RFX3: variants seen among roughly 807,000 people sequenced by gnomAD.
RFX3 encodes transcription factor RFX3.
In RFX3, 14 loss-of-function variants were observed where a neutral mutation model predicts 98.6. The observed-to-expected ratio is 0.14, with a 90% CI of 0.09 to 0.22. RFX3 has a LOEUF of 0.22. RFX3 is among the 10% of genes least tolerant of loss of function. The pLI is 1.00. For missense variants in RFX3, 639 were observed against 926.9 expected, an observed-to-expected ratio of 0.69 and a Z score of 4.03; for synonymous variants, 383 against 328.4, an observed-to-expected ratio of 1.17 and a Z score of -1.80.
chr9:3,406,999 G>A (rs1040917753), intron 1 of RFX3, among the ~76,000 whole-genome samples: 4 of 152,238 alleles, frequency 2.6e-5, no homozygotes, highest in South Asian at 2.1e-4. Flanking sequence ...CATCTGATTC[G>A]CTGAATTGTG....
intron 1 of RFX3, among the ~76,000 whole-genome samples, chr9:3,512,933 C>T (rs765885984): frequency 5.3e-5 from 8 of 152,070 alleles, no homozygotes; most frequent in East Asian, 1.9e-4. Context: ...TCCCAAATAT[C>T]GTTATGTCCT....
In RFX3 at chr9:3,225,176, C is replaced by A. The variant is rs1465258934; in HGVS notation, c.2116G>T (p.Gly706Cys). The A allele has an allele frequency of 1.9e-6, 3 of 1,613,946 alleles. No homozygotes were observed. The highest frequency in any genetic ancestry group is 2.5e-6 in the Non-Finnish European group (3 of 1,179,946). Residue 706 changes from glycine (G) to cysteine (C), a missense_variant, in exon 17 of 17, where the codon GGC (glycine) becomes TGC (cysteine). Physicochemically the swap from Gly to Cys is radical, Grantham distance 159. Coordinates refer to ENST00000617270, the MANE Select transcript of RFX3 (RefSeq NM_001282116.2). ...KTELSQAFPV[G>C]CMQPVLETGV... Reference sequence around the variant, plus strand: ...GTCTCGAGAACAGGCTGCATGCAGCCCACTGGAAATGCCTGGCTCAGCTCT... The same window carrying A: ...GTCTCGAGAACAGGCTGCATGCAGCACACTGGAAATGCCTGGCTCAGCTCT...
intron 1 of RFX3, among the ~76,000 whole-genome samples, chr9:3,415,117 T>C (rs1460329133): frequency 3.2e-5 from 3 of 92,616 alleles, no homozygotes; most frequent in Non-Finnish European, 5.7e-5. Flanking sequence ...TATATATATA[T>C]ACTTATATAT....
intron 1 of RFX3, among the ~76,000 whole-genome samples, chr9:3,477,856 T>A (rs1400043096): frequency 6.6e-6 from 1 of 152,216 alleles, no homozygotes; most frequent in Admixed American, 6.5e-5. Flanking sequence ...GATCCTCACA[T>A]TGAACAATCT....
chr9:3,262,828 C>G lies in RFX3; in HGVS notation c.1605+107G>C, dbSNP rs1322458228. ...TTTCAGAACACTGTGAATATAGATGCTGCCATATATAGATGAGACTTTGAA... is the reference window on the plus strand; with the variant it reads ...TTTCAGAACACTGTGAATATAGATGGTGCCATATATAGATGAGACTTTGAA... On this transcript the variant is annotated intron_variant, in intron 13 of 16. Transcript: ENST00000617270. 7 of 1,103,206 alleles carry G rather than the reference C, an allele frequency of 6.3e-6. No homozygotes were observed. The African/African-American group carries it at 9.4e-5, about 15-fold the overall frequency. The allele number at this position is 1,103,206 out of a possible 1,614,324, so 68.3% of individuals were successfully genotyped here. A position where few individuals can be genotyped will look rare whatever the true frequency, so the allele number is the denominator to read the frequency against.
At chr9:3,302,411 C>A (rs1182371331) in intron 4 of RFX3, among the ~76,000 whole-genome samples, 1 of 151,670 alleles carries the variant, frequency 6.6e-6, no homozygotes, top group Non-Finnish European at 1.5e-5. Context: ...CTCTTAATAA[C>A]CTCATATTTA....
intron 4 of RFX3, among the ~76,000 whole-genome samples, chr9:3,329,435 A>AC (rs1832336433): frequency 6.7e-6 from 1 of 148,964 alleles, no homozygotes; most frequent in African/African-American, 2.5e-5. Flanking sequence ...AAAACAAAAA[A>AC]CCACCAAACA....
At chr9:3,246,374 G>A (rs951193661) in intron 15 of RFX3, among the ~76,000 whole-genome samples, 1 of 152,040 alleles carries the variant, frequency 6.6e-6, no homozygotes, top group Non-Finnish European at 1.5e-5. Context: ...GCCTGTGCAA[G>A]CATACCAGGA....
At chr9:3,240,052 A>T (rs1819710812) in intron 15 of RFX3, among the ~76,000 whole-genome samples, 1 of 152,216 alleles carries the variant, frequency 6.6e-6, no homozygotes, top group Non-Finnish European at 1.5e-5. Context: ...GCTGTTCATA[A>T]TATAAGATGG....
At chr9:3,272,844 T>C (rs1185558509) in intron 9 of RFX3, among the ~76,000 whole-genome samples, 3 of 152,200 alleles carry the variant, frequency 2.0e-5, no homozygotes, top group Non-Finnish European at 4.4e-5. Flanking sequence ...AAAAATATCT[T>C]TGATAAACAA....
chr9:3,477,102 A>G (rs369069240), intron 1 of RFX3, among the ~76,000 whole-genome samples: 1 of 152,090 alleles, frequency 6.6e-6, no homozygotes, highest in East Asian at 1.9e-4. Context: ...GTTTTACCTG[A>G]AACCAAAATT....
chr9:3,492,344 G>C (rs908222169), intron 1 of RFX3, among the ~76,000 whole-genome samples: 2 of 152,162 alleles, frequency 1.3e-5, no homozygotes, highest in East Asian at 3.9e-4. Flanking sequence ...GTCCCTTCCA[G>C]CACAACCGTG....
chr9:3,349,587 AC>A (rs1349216619), intron 2 of RFX3, among the ~76,000 whole-genome samples: 3 of 151,336 alleles, frequency 2.0e-5, no homozygotes, highest in African/African-American at 7.3e-5. Flanking sequence ...CTGCCCCCAC[AC>A]CCCCAACAGG....
rs36070658 is a variant in RFX3 at position 3,232,771 on chromosome 9, T to TGAGAGA, written c.1969-3888_1969-3883dup. Among the ~76,000 whole-genome samples the TGAGAGA allele has an allele frequency of 1.5e-3, 202 of 132,406 alleles. 1 individual carries two copies. Among genetic ancestry groups the TGAGAGA allele is most frequent in the African/African-American group, 5.4e-3 (185 of 34,380 alleles). The allele number at this position is 132,406 out of a possible 152,430, so 86.9% of individuals were successfully genotyped here. A position where few individuals can be genotyped will look rare whatever the true frequency, so the allele number is the denominator to read the frequency against. The stretch of plus-strand genomic sequence containing the variant: ...CAGATATTCTCCTTGGTTTAGAATC[T>TGAGAGA]GAGAGAGAGAGAGAGAGAGAGAGAG... On this transcript the variant is annotated intron_variant, in intron 15 of 16. Coordinates refer to ENST00000617270, the MANE Select transcript of RFX3 (RefSeq NM_001282116.2).
chr9:3,525,606 C>G (rs935770732), intron 1 of RFX3, 141 bp downstream of exon 1: 4 of 153,192 alleles, frequency 2.6e-5, no homozygotes. Context: ...GGCGGCGCCG[C>G]AGCGGCAGCC....
chr9:3,277,564 A>T, intron 7 of RFX3, 103 bp from the exon 8 acceptor site: 2 of 967,342 alleles, frequency 2.1e-6, no homozygotes, highest in Non-Finnish European at 3.1e-6. Context: ...ATCTTCTTTA[A>T]CGTCTCATGA....
intron 1 of RFX3, among the ~76,000 whole-genome samples, chr9:3,413,546 AC>A (rs972219584): frequency 7.9e-5 from 12 of 152,242 alleles, no homozygotes; most frequent in African/African-American, 2.9e-4. Flanking sequence ...ACAAGACAAT[AC>A]AAAAACCTCA....
At chr9:3,330,089 CA>C (rs1395900574) in intron 4 of RFX3, among the ~76,000 whole-genome samples, 169 bp downstream of exon 4, 1 of 152,168 alleles carries the variant, frequency 6.6e-6, no homozygotes, top group Non-Finnish European at 1.5e-5. Context: ...GTATCAGTAA[CA>C]TTCTGCATAA....
At chr9:3,436,160 T>A (rs1845104737) in intron 1 of RFX3, among the ~76,000 whole-genome samples, 1 of 152,072 alleles carries the variant, frequency 6.6e-6, no homozygotes, top group South Asian at 2.1e-4. Flanking sequence ...ATTACCTATG[T>A]TCCTAACAGC....
Sources: gnomAD v4.1 joint callset for allele counts (sites outside exome capture counted in the v4.1 genomes callset) on GRCh38, gnomAD v4.1.1 for gene constraint, MANE v1.5 for transcripts, NCBI Gene and HGNC (gene_info 2026-07-23, HGNC 2026-07-21) for gene names.